Variants in FMN1 observed in about 807,000 individuals in gnomAD.
The protein encoded by FMN1 is formin 1, also known as formin-1.
Under a neutral mutation model 132.4 loss-of-function variants are expected in FMN1, and 110 were observed. The ratio of observed to expected loss-of-function variants is 0.83; its 90% CI spans 0.71 to 0.97. FMN1 has a LOEUF of 0.97. FMN1 is among the 50% of genes least tolerant of loss of function. FMN1 has a pLI of 0.00. For missense variants in FMN1, 1,792 were observed against 1,705.3 expected, an observed-to-expected ratio of 1.05 and a Z score of -0.90; for synonymous variants, 722 against 651.7, an observed-to-expected ratio of 1.11 and a Z score of -1.64.
chr15:33,128,857 C>G (rs148333552), intron 4 of FMN1, among the ~76,000 whole-genome samples: 2 of 152,246 alleles, frequency 1.3e-5, no homozygotes, highest in African/African-American at 2.4e-5. Context: ...CCGGAGCAGA[C>G]TGCAGAGGCC....
Position 33,013,331 on chromosome 15 carries a change from G to A in FMN1, c.2162-5256C>T, listed in dbSNP as rs577219957. Among the ~76,000 whole-genome samples the A allele has an allele frequency of 4.6e-5, 7 of 152,334 alleles. No homozygotes were observed. The South Asian group carries it at 1.5e-3, about 32-fold the overall frequency. On this transcript the variant is annotated intron_variant, in intron 6 of 20. Transcript: ENST00000616417. Reference sequence around the variant, plus strand: ...CATTCCAGCCAAGGGTTTTAATACAGTGGTTTGTCTGCACCCATGCTATCA... The same window carrying A: ...CATTCCAGCCAAGGGTTTTAATACAATGGTTTGTCTGCACCCATGCTATCA...
chr15:33,178,989 T>C (rs1336348117), intron 3 of FMN1, among the ~76,000 whole-genome samples: 2 of 152,188 alleles, frequency 1.3e-5, no homozygotes, highest in East Asian at 3.9e-4. Flanking sequence ...AAGATACAAA[T>C]CCAACCTGCG....
chr15:32,920,828 T>C (rs1188844521), intron 10 of FMN1, among the ~76,000 whole-genome samples: 1 of 152,212 alleles, frequency 6.6e-6, no homozygotes, highest in Non-Finnish European at 1.5e-5. Context: ...TCTCCAAATA[T>C]CCCTCATACG....
Position 33,036,817 on chromosome 15 carries a change from GA to G in FMN1, c.2161+28139del, listed in dbSNP as rs374918632. ...CAGTATTGCTTGTATTATCATCAAC[GA>G]AACATGAAAATACTCACAGTGCAAG... On this transcript the variant is annotated intron_variant, in intron 6 of 20. Transcript: ENST00000616417. 1.1e-3 allele frequency among the ~76,000 whole-genome samples: 167 copies of G among 152,258 alleles called. 5 individuals carry two copies. The East Asian group carries it at 0.025, about 22-fold the overall frequency.
chr15:32,964,391 G>A (rs558198093), intron 8 of FMN1, 134 bp from the exon 9 acceptor site: 6 of 648,132 alleles, frequency 9.3e-6, no homozygotes, highest in Non-Finnish European at 1.3e-5. Context: ...AATGCTTGGA[G>A]AAAAGCTTTT....
At chr15:33,021,160 T>C (rs867100612) in intron 6 of FMN1, among the ~76,000 whole-genome samples, 43 of 152,206 alleles carry the variant, frequency 2.8e-4, no homozygotes, top group African/African-American at 9.4e-4. Flanking sequence ...GAAAGATACA[T>C]GGTGCAGACT....
chr15:33,004,253 G>A (rs2034283818), intron 7 of FMN1, among the ~76,000 whole-genome samples: 1 of 152,152 alleles, frequency 6.6e-6, no homozygotes, highest in East Asian at 1.9e-4. Flanking sequence ...AGAGTGAACA[G>A]GCAACCTACA....
At chr15:33,132,556 G>C (rs1963593764) in intron 4 of FMN1, among the ~76,000 whole-genome samples, 1 of 152,122 alleles carries the variant, frequency 6.6e-6, no homozygotes, top group South Asian at 2.1e-4. Context: ...CAGGTCGTTT[G>C]CAGTATTAAT....
At position 32,770,613 on chromosome 15, in the gene FMN1, G is replaced by A. The variant is rs1002707303; in HGVS notation, c.*3697C>T. The A allele has an allele frequency of 6.6e-6, 1 of 152,028 alleles. No homozygotes were observed. Among genetic ancestry groups the A allele is most frequent in the African/African-American group, 2.4e-5 (1 of 41,374 alleles). The allele number at this position is 152,028 out of a possible 1,614,324, so 9.4% of individuals were successfully genotyped here. On this transcript the variant is annotated 3_prime_UTR_variant, in exon 21 of 21. Coordinates refer to ENST00000616417, the MANE Select transcript of FMN1 (RefSeq NM_001277313.2). Reference sequence around the variant, plus strand: ...AGCAGTATCTGAACTTTTCATTTAGGAAACACCATTCTTCATGGTGCTTAT... The same window carrying A: ...AGCAGTATCTGAACTTTTCATTTAGAAAACACCATTCTTCATGGTGCTTAT...
intron 4 of FMN1, among the ~76,000 whole-genome samples, chr15:33,090,516 T>C (rs2038865679): frequency 6.6e-6 from 1 of 152,068 alleles, no homozygotes; most frequent in Non-Finnish European, 1.5e-5. Context: ...ACAAAACACC[T>C]TTCTGCAACC....
At chr15:33,183,384 T>C (rs1008274307) in intron 2 of FMN1, among the ~76,000 whole-genome samples, 2 of 152,216 alleles carry the variant, frequency 1.3e-5, no homozygotes, top group African/African-American at 4.8e-5. Context: ...GTCCTTACGA[T>C]GGACACTGAG....
At chr15:32,960,256 C>A (rs538225022) in intron 9 of FMN1, among the ~76,000 whole-genome samples, 2 of 152,048 alleles carry the variant, frequency 1.3e-5, no homozygotes, top group Non-Finnish European at 2.9e-5. Context: ...GGGGTGAGAG[C>A]GGCACCAGAA....
At chr15:33,034,453 T>TGTAGTCCCAGC (rs2036095955) in intron 6 of FMN1, among the ~76,000 whole-genome samples, 3 of 152,112 alleles carry the variant, frequency 2.0e-5, no homozygotes, top group Admixed American at 2.0e-4. Context: ...GTCATGCGCC[T>TGTAGTCCCAGC]GTAGTCCCAG....
chr15:32,887,402 A>T (rs968445512), intron 16 of FMN1, among the ~76,000 whole-genome samples: 3 of 152,188 alleles, frequency 2.0e-5, no homozygotes, highest in Admixed American at 6.5e-5. Flanking sequence ...AGATGTCTCC[A>T]CAGTAAAAAC....
chr15:32,930,104 C>T (rs1191176368), intron 9 of FMN1, among the ~76,000 whole-genome samples: 4 of 150,194 alleles, frequency 2.7e-5, no homozygotes, highest in African/African-American at 9.9e-5. Flanking sequence ...ATTCTCCTGC[C>T]TCAGCCTCCC....
intron 7 of FMN1, among the ~76,000 whole-genome samples, chr15:33,001,716 C>A (rs2034129363): frequency 6.8e-6 from 1 of 146,182 alleles, no homozygotes; most frequent in Non-Finnish European, 1.5e-5. Context: ...TCCCCCTCCT[C>A]CTCCTCCTCC....
intron 16 of FMN1, among the ~76,000 whole-genome samples, chr15:32,881,560 A>T (rs1214031013): frequency 6.6e-6 from 1 of 152,188 alleles, no homozygotes; most frequent in Non-Finnish European, 1.5e-5. Context: ...AGGTTTCCAA[A>T]GTGACTTTTC....
At chr15:32,995,449 G>C (rs1313856184) in intron 7 of FMN1, among the ~76,000 whole-genome samples, 1 of 152,060 alleles carries the variant, frequency 6.6e-6, no homozygotes, top group Non-Finnish European at 1.5e-5. Context: ...TAGCCTTTAT[G>C]GTATAAATTC....
At chr15:33,103,541 T>C (rs2039372228) in intron 4 of FMN1, among the ~76,000 whole-genome samples, 1 of 152,136 alleles carries the variant, frequency 6.6e-6, no homozygotes, top group African/African-American at 2.4e-5. Flanking sequence ...CTCCAAAGGA[T>C]TCACTTTCGA....
Sources: allele counts gnomAD v4.1 joint callset (sites outside exome capture counted in the v4.1 genomes callset), GRCh38; gene constraint gnomAD v4.1.1; transcripts MANE v1.5; gene names NCBI Gene and HGNC (gene_info 2026-07-23, HGNC 2026-07-21).